SEMA4G: variants seen among roughly 807,000 people sequenced by gnomAD.
SEMA4G encodes the protein semaphorin 4G.
In SEMA4G, 59 loss-of-function variants were observed where a neutral mutation model predicts 81.2. The observed-to-expected ratio is 0.73, with a 90% CI of 0.59 to 0.90. The LOEUF (loss-of-function observed/expected upper bound fraction) is 0.90, where lower values mean the gene tolerates loss of function less well. Among genes scored for constraint, SEMA4G ranks in the 40% least tolerant of loss-of-function variants. The pLI, the probability that SEMA4G is intolerant of heterozygous loss-of-function variation, is 0.00. For synonymous variants in SEMA4G, 404 were observed against 433.9 expected, an observed-to-expected ratio of 0.93 and a Z score of 0.86; for missense variants, 952 against 1,102.3, an observed-to-expected ratio of 0.86 and a Z score of 1.93.
intron 6 of SEMA4G, 72 bp from the exon 8 acceptor site, chr10:100,978,777 G>A: frequency 1.3e-6 from 2 of 1,579,622 alleles, no homozygotes; most frequent in Non-Finnish European, 1.7e-6. Flanking sequence ...GTCAAGTGAG[G>A]GGTCAGCCTC....
rs754085049 is a variant in SEMA4G, at chr10:100,983,329, G to A, written c.1715G>A (p.Arg572His). 20 of 1,572,778 alleles carry A rather than the reference G, an allele frequency of 1.3e-5. No individual in the cohort carries two copies. The highest frequency in any genetic ancestry group is 7.2e-5 in the Admixed American group (4 of 55,202). The change falls in exon 14 of 14, where the codon CGC (arginine) becomes CAC (histidine). Residue 572 changes from arginine (R) to histidine (H), a missense_variant. Arg to His is a conservative substitution (Grantham distance 29, BLOSUM62 0). Transcript: ENST00000370250. ...GGGCCACCACCACCACTGAAGACCC[G>A]CTCTGTGCTCCGGGGTGATGATGTC...
intron 12 of SEMA4G, 81 bp downstream of exon 13, chr10:100,981,078 G>C: frequency 6.2e-7 from 1 of 1,605,162 alleles, no homozygotes; most frequent in Non-Finnish European, 8.5e-7. Flanking sequence ...GAGTGCAGGG[G>C]CTAGTTATTA....
exon 7 of SEMA4G, chr10:100,979,000 T>C (rs763278051): frequency 1.9e-6 from 3 of 1,614,058 alleles, no homozygotes; most frequent in Non-Finnish European, 8.5e-7. Context: ...GTGTGGCCCG[T>C]GTGGCTCGTG....
At chr10:100,970,354 C>G (rs948458912), upstream of SEMA4G, among the ~76,000 whole-genome samples, 5 of 152,082 alleles carry the variant, frequency 3.3e-5, no homozygotes, top group Non-Finnish European at 7.4e-5. Flanking sequence ...AGCTCCAGCC[C>G]GTCTCCCACC....
At chr10:100,974,256 A>G (rs1850717460) in intron 3 of SEMA4G, among the ~76,000 whole-genome samples, 1 of 151,940 alleles carries the variant, frequency 6.6e-6, no homozygotes, top group African/African-American at 2.4e-5. Context: ...ACTTGAGTCC[A>G]GGAGTTCAAG....
chr10:100,984,438 A>C lies in SEMA4G; in HGVS notation c.*307A>C, dbSNP rs745805497. 5.0e-5 allele frequency: 75 copies of C among 1,496,452 alleles called. No individual in the cohort carries two copies. The South Asian group carries it at 8.9e-4, about 18-fold the overall frequency. The allele number at this position is 1,496,452 out of a possible 1,614,324, so 92.7% of individuals were successfully genotyped here. A position where few individuals can be genotyped will look rare whatever the true frequency, so the allele number is the denominator to read the frequency against. ...CTAACCTAAACACTTATAGGTGAGG[A>C]CTCCATCCTCCTGTTCCATTCATCT... On this transcript the variant is annotated 3_prime_UTR_variant, in exon 14 of 14. Transcript: ENST00000370250.
At chr10:100,979,911 A>T in exon 9 of SEMA4G, 4 of 1,614,122 alleles carry the variant, frequency 2.5e-6, no homozygotes, top group Non-Finnish European at 3.4e-6. Context: ...CTGTCTTTGC[A>T]GGACCCTATA....
exon 14 of SEMA4G, chr10:100,983,622 G>A (rs774521972): frequency 8.7e-6 from 14 of 1,614,028 alleles, no homozygotes; most frequent in Non-Finnish European, 7.6e-6. Context: ...GGCACAGCTG[G>A]CACCTGATGT....
chr10:100,985,034 G>A, downstream of SEMA4G: 1 of 947,904 alleles, frequency 1.1e-6, no homozygotes, highest in Non-Finnish European at 1.5e-6. Flanking sequence ...TTTAGTCCGT[G>A]GACATTTCAG....
Position 100,978,825 on chromosome 10 carries a change from C to G in SEMA4G, c.644-24C>G, listed in dbSNP as rs1850918941. On this transcript the variant is annotated intron_variant, in intron 6 of 13. Transcript: ENST00000370250. ...AGGAATCCCCAGCCTGTCTCAAAAG[C>G]CTCTCAAACTGCCTGACCCACAGAT... 7 of 1,609,562 alleles carry G rather than the reference C, an allele frequency of 4.3e-6. No homozygotes were observed. The South Asian group carries it at 5.5e-5, about 13-fold the overall frequency.
intron 11 of SEMA4G, 41 bp from the exon 13 acceptor site, chr10:100,980,781 A>C: frequency 6.3e-7 from 1 of 1,576,042 alleles, no homozygotes; most frequent in Middle Eastern, 1.7e-4. Context: ...TATCTGTATG[A>C]GTGGGGACGC....
At chr10:100,970,911 C>T (rs1203826869), upstream of SEMA4G, among the ~76,000 whole-genome samples, 1 of 152,208 alleles carries the variant, frequency 6.6e-6, no homozygotes, top group East Asian at 1.9e-4. Flanking sequence ...CACAAACCCA[C>T]ATGTGTGGGT....
intron 13 of SEMA4G, among the ~76,000 whole-genome samples, chr10:100,982,469 GA>G (rs1851144686): frequency 6.6e-6 from 1 of 152,238 alleles, no homozygotes; most frequent in Non-Finnish European, 1.5e-5. Context: ...ATAGATGCCA[GA>G]AACAGAATCT....
rs769933802 is a variant in SEMA4G, at chr10:100,978,385, A to T, written c.526A>T (p.Ile176Phe). The T allele has an allele frequency of 7.4e-6, 12 of 1,612,830 alleles. No individual in the cohort carries two copies. The African/African-American group carries it at 1.6e-4, about 22-fold the overall frequency. Reference sequence around the variant, plus strand: ...AGCCCGTGGCTTCACAGGCCTCATCATTGGTGAGCAGGCCTTCTTCCCTAT... The same window carrying T: ...AGCCCGTGGCTTCACAGGCCTCATCTTTGGTGAGCAGGCCTTCTTCCCTAT... Residue 176 changes from isoleucine to phenylalanine, a missense_variant, in exon 5 of 14, where the codon ATT becomes TTT. Around this residue, in one of 3 missense-constraint regions of SEMA4G, gnomAD observed 436 missense variants for 488.2 expected, o/e 0.89. Transcript: ENST00000370250.
exon 14 of SEMA4G, chr10:100,983,324 G>A: frequency 5.1e-6 from 8 of 1,563,154 alleles, no homozygotes; most frequent in Non-Finnish European, 6.9e-6. Flanking sequence ...CACCACTGAA[G>A]ACCCGCTCTG....
chr10:100,977,510 G>T (rs960514680), intron 3 of SEMA4G, 122 bp from the exon 5 acceptor site: 2 of 757,598 alleles, frequency 2.6e-6, no homozygotes, highest in Non-Finnish European at 4.7e-6. Context: ...AGGATCACAG[G>T]TATCTTGGAA....
chr10:100,979,421 T>C (rs1400882199), intron 8 of SEMA4G, 150 bp downstream of exon 9: 1 of 1,559,852 alleles, frequency 6.4e-7, no homozygotes, highest in Non-Finnish European at 8.7e-7. Context: ...TCTTGCTCTG[T>C]TGCCAGGCTG....
At position 100,979,094 on chromosome 10, in the gene SEMA4G, C is replaced by G. The variant is rs1219290209; in HGVS notation, c.814-8C>G. ...CTGGCCCCTTATCCCGTGCCTCTAC[C>G]TCCCCAGGGAGACCTGGGAGGGAAG... is the stretch of plus-strand genomic sequence containing the variant. On this transcript the variant is annotated splice_polypyrimidine_tract_variant and splice_region_variant and intron_variant, in intron 7 of 13. Coordinates refer to ENST00000370250, the Ensembl canonical transcript of SEMA4G. 2 of 1,613,816 alleles carry G rather than the reference C, an allele frequency of 1.2e-6. No individual in the cohort carries two copies. Among genetic ancestry groups the G allele is most frequent in the Non-Finnish European group, 1.7e-6 (2 of 1,179,804 alleles).
At chr10:100,979,440 T>C (rs1015536840) in intron 8 of SEMA4G, 169 bp downstream of exon 9, 1 of 1,514,056 alleles carries the variant, frequency 6.6e-7, no homozygotes. Flanking sequence ...TGGAGTGCAG[T>C]GGCGCGATCT....
Sources: gnomAD v4.1 joint callset for allele counts (sites outside exome capture counted in the v4.1 genomes callset) on GRCh38, gnomAD v4.1.1 for gene constraint, gnomAD v4.1.1 regional missense constraint, MANE v1.5 for transcripts, NCBI Gene and HGNC (gene_info 2026-07-23, HGNC 2026-07-21) for gene names.